The following ALK variants were observed in gnomAD, a reference collection of about 807,000 sequenced individuals.
ALK encodes ALK tyrosine kinase receptor.
Under a neutral mutation model 163.1 loss-of-function variants are expected in ALK, and 74 were observed. The observed-to-expected ratio is 0.45, with a 90% confidence interval of 0.38 to 0.55. ALK has a LOEUF of 0.55. ALK is among the 20% of genes least tolerant of loss of function. ALK has a pLI of 0.00. For missense variants in ALK, 2,063 were observed against 2,105.3 expected (o/e 0.98, Z 0.39); for synonymous variants, 960 against 843.2 (o/e 1.14, Z -2.40).
At chr2:29,303,234 G>A (rs1666418110) in intron 8 of ALK, among the ~76,000 whole-genome samples, 1 of 152,034 alleles carries the variant, frequency 6.6e-6, no homozygotes, top group South Asian at 2.1e-4. Context: ...GACATTAATA[G>A]ACACTTCTCA....
intron 5 of ALK, among the ~76,000 whole-genome samples, chr2:29,342,909 G>C (rs1238495271): frequency 1.6e-5 from 2 of 126,486 alleles, no homozygotes; most frequent in Non-Finnish European, 3.2e-5. Flanking sequence ...TTGATATGGA[G>C]TCTCGCTCTG....
intron 6 of ALK, among the ~76,000 whole-genome samples, chr2:29,324,639 C>G (rs185196192): frequency 1.3e-5 from 2 of 152,340 alleles, no homozygotes; most frequent in African/African-American, 2.4e-5. Context: ...TAGTGAATCA[C>G]TGACCCATCT....
intron 26 of ALK, 57 bp downstream of exon 26, chr2:29,207,114 G>T (rs111505977): frequency 7.2e-7 from 1 of 1,392,490 alleles, no homozygotes; most frequent in Non-Finnish European, 1.0e-6. Context: ...GAGTCCTTTG[G>T]CCCAGGAGCA....
intron 5 of ALK, among the ~76,000 whole-genome samples, chr2:29,362,967 A>G (rs768352209): frequency 1.3e-5 from 2 of 152,180 alleles, no homozygotes; most frequent in Admixed American, 6.5e-5. Flanking sequence ...TAGTATTTCC[A>G]TCACATCACC....
At chr2:29,830,201 G>T (rs193140501) in intron 1 of ALK, among the ~76,000 whole-genome samples, 11 of 152,304 alleles carry the variant, frequency 7.2e-5, no homozygotes, top group Non-Finnish European at 1.2e-4. Flanking sequence ...ACAAATACAT[G>T]CTTTGTCCTT....
At chr2:29,806,557 G>A (rs2148368563) in intron 1 of ALK, among the ~76,000 whole-genome samples, 1 of 152,316 alleles carries the variant, frequency 6.6e-6, no homozygotes, top group African/African-American at 2.4e-5. Flanking sequence ...CTGTGCTGAA[G>A]CCCAGTTGAG....
chr2:29,754,722 C>T (rs1680465190), intron 1 of ALK, among the ~76,000 whole-genome samples: 1 of 151,744 alleles, frequency 6.6e-6, no homozygotes, highest in South Asian at 2.1e-4. Context: ...TAAAGTAGAG[C>T]TCTAAACTTG....
chr2:29,622,042 G>A (rs1009216213), intron 3 of ALK, among the ~76,000 whole-genome samples: 12 of 152,188 alleles, frequency 7.9e-5, no homozygotes, highest in African/African-American at 2.2e-4. Flanking sequence ...ACCTCATTTA[G>A]TGAAGCACCA....
At chr2:29,473,080 G>A (rs1409906701) in intron 4 of ALK, among the ~76,000 whole-genome samples, 1 of 152,232 alleles carries the variant, frequency 6.6e-6, no homozygotes, top group Non-Finnish European at 1.5e-5. Flanking sequence ...GAAGAACAAA[G>A]TTGGAGCACT....
chr2:29,819,812 G>A (rs1243819153), intron 1 of ALK, among the ~76,000 whole-genome samples: 1 of 152,192 alleles, frequency 6.6e-6, no homozygotes, highest in Non-Finnish European at 1.5e-5. Flanking sequence ...AGGTGTTACT[G>A]GAAGTGACTG....
intron 3 of ALK, among the ~76,000 whole-genome samples, chr2:29,658,827 C>A (rs1283807238): frequency 6.6e-6 from 1 of 152,058 alleles, no homozygotes; most frequent in East Asian, 1.9e-4. Flanking sequence ...TAGAATAGAC[C>A]AAGATGCTCA....
At chr2:29,905,237 A>C (rs1460226256) in intron 1 of ALK, among the ~76,000 whole-genome samples, 1 of 152,224 alleles carries the variant, frequency 6.6e-6, no homozygotes, top group African/African-American at 2.4e-5. Flanking sequence ...TCTGAAATGC[A>C]AACACCACTG....
chr2:29,512,612 A>T (rs1459197446), intron 4 of ALK, among the ~76,000 whole-genome samples: 23 of 147,724 alleles, frequency 1.6e-4, no homozygotes, highest in Non-Finnish European at 2.8e-4. Flanking sequence ...CTCTCTCACC[A>T]CTCCTATTCA....
At chr2:29,668,225 CTT>C (rs1677577235) in intron 3 of ALK, among the ~76,000 whole-genome samples, 2 of 151,642 alleles carry the variant, frequency 1.3e-5, no homozygotes, top group South Asian at 2.1e-4. Context: ...TTAAAAATAA[CTT>C]TTTGTTTTGC....
At chr2:29,809,079 G>T (rs1664687375) in intron 1 of ALK, among the ~76,000 whole-genome samples, 2 of 152,194 alleles carry the variant, frequency 1.3e-5, no homozygotes, top group African/African-American at 2.4e-5. Flanking sequence ...ATGACACCAG[G>T]TCAGTGTAAA....
intron 4 of ALK, among the ~76,000 whole-genome samples, chr2:29,393,762 C>G (rs1449005308): frequency 6.6e-6 from 1 of 152,196 alleles, no homozygotes; most frequent in African/African-American, 2.4e-5. Context: ...CATCTTTCTG[C>G]CCCTACAGTT....
At chr2:29,877,235 C>T (rs1666746681) in intron 1 of ALK, among the ~76,000 whole-genome samples, 1 of 152,180 alleles carries the variant, frequency 6.6e-6, no homozygotes, top group South Asian at 2.1e-4. Flanking sequence ...ACACCTCAGA[C>T]TTTTTGTACT....
intron 1 of ALK, among the ~76,000 whole-genome samples, chr2:29,885,410 T>C (rs995434432): frequency 6.6e-6 from 1 of 152,122 alleles, no homozygotes; most frequent in African/African-American, 2.4e-5. Flanking sequence ...ATTACACCAT[T>C]GAATATGCCA....
chr2:29,312,424 A>T (rs1398485158), intron 8 of ALK, among the ~76,000 whole-genome samples: 1 of 151,954 alleles, frequency 6.6e-6, no homozygotes, highest in East Asian at 1.9e-4. Context: ...GGGCTAAGGG[A>T]CTTCAAGCCC....
Sources: allele counts gnomAD v4.1 joint callset (sites outside exome capture counted in the v4.1 genomes callset), GRCh38; gene constraint gnomAD v4.1.1; transcripts MANE v1.5; gene names NCBI Gene and HGNC (gene_info 2026-07-23, HGNC 2026-07-21).